ABCG4: variants seen among roughly 807,000 people sequenced by gnomAD.
ABCG4 encodes ATP-binding cassette sub-family G member 4.
A neutral mutation model predicts 64.6 loss-of-function variants in ABCG4; 35 were observed. The observed-to-expected ratio is 0.54, with a 90% confidence interval of 0.41 to 0.72. ABCG4 has a LOEUF of 0.72. Ranked by LOEUF, ABCG4 falls within the 30% of genes least tolerant of loss-of-function variation. ABCG4 has a pLI of 0.00. For synonymous variants in ABCG4, 326 were observed against 348.2 expected, an observed-to-expected ratio of 0.94 and a Z score of 0.71; for missense variants, 610 against 846.3, an observed-to-expected ratio of 0.72 and a Z score of 3.46.
In ABCG4 at chr11:119,154,294, G is replaced by A; in HGVS notation, c.391G>A (p.Gly131Arg). ...SGMKGQILVN[G>R]RPRELRTFRK... The stretch of plus-strand genomic sequence containing the variant: ...AATGAAGGGGCAGATCCTGGTTAAT[G>A]GAAGGCCACGGGAGCTGAGGACCTT... The change falls in exon 4 of 15, where the codon GGA becomes AGA. Residue 131 changes from glycine (G) to arginine (R), a missense_variant. By Grantham distance (125) the Gly-to-Arg change is moderately radical. Coordinates refer to ENST00000619701, the MANE Select transcript of ABCG4 (RefSeq NM_022169.5). The surrounding 1 kb of genome is among the most constrained non-coding windows in gnomAD (Gnocchi z 7.0). 6.2e-7 allele frequency: 1 copy of A among 1,614,168 alleles called. No homozygotes were observed. Among genetic ancestry groups the A allele is most frequent in the Non-Finnish European group, 8.5e-7 (1 of 1,180,018 alleles).
At position 119,149,979 on chromosome 11, in the gene ABCG4, C is replaced by T. The variant is rs556090631; in HGVS notation, c.14C>T (p.Ala5Val). The part of the protein sequence containing the change: MAEK[A>V]LEAVGCGLGP... ...GTCGGCGGCGTGATGGCGGAGAAGG[C>T]GCTGGAGGCCGTGGGCTGTGGACTA... is the stretch of plus-strand genomic sequence containing the variant. Residue 5 changes from alanine (A) to valine (V), a missense_variant, in exon 2 of 15, where the codon GCG becomes GTG. Transcript: ENST00000619701. This position sits in a 1 kb window ranked among gnomAD's most constrained non-coding sequence, Gnocchi z 8.3. 1.7e-5 allele frequency: 28 copies of T among 1,606,910 alleles called. No homozygotes were observed. The highest frequency in any genetic ancestry group is 2.1e-5 in the Non-Finnish European group (25 of 1,179,656).
chr11:119,157,037 G>C (rs1948275536), intron 9 of ABCG4, 23 bp downstream of exon 9: 1 of 1,578,452 alleles, frequency 6.3e-7, no homozygotes, highest in Admixed American at 1.8e-5. Context: ...GGAGAGGGCA[G>C]AGCAGGCATA....
In ABCG4 at chr11:119,158,983, A is replaced by T; in HGVS notation, c.1437+54A>T. On this transcript the variant is annotated intron_variant, in intron 12 of 14. Coordinates refer to ENST00000619701, the MANE Select transcript of ABCG4 (RefSeq NM_022169.5). The surrounding 1 kb of genome is among the most constrained non-coding windows in gnomAD (Gnocchi z 4.5). ...GCCTCCATCTTGTCTTGCTCCTTCTATCCTTGCTTTCTTGCCTCCCTCAAA... is the reference window on the plus strand; with the variant it reads ...GCCTCCATCTTGTCTTGCTCCTTCTTTCCTTGCTTTCTTGCCTCCCTCAAA... The T allele has an allele frequency of 6.4e-7, 1 of 1,556,072 alleles. No individual in the cohort carries two copies. Among genetic ancestry groups the T allele is most frequent in the Non-Finnish European group, 8.9e-7 (1 of 1,128,644 alleles).
chr11:119,152,264 T>C (rs1048768981), intron 2 of ABCG4, among the ~76,000 whole-genome samples: 3 of 152,198 alleles, frequency 2.0e-5, no homozygotes, highest in Admixed American at 6.5e-5. Flanking sequence ...TGGGCCCCAG[T>C]TGCCTCACCC....
In ABCG4 at chr11:119,158,538, G is replaced by A. The variant is rs1314927540; in HGVS notation, c.1168-19G>A. Reference sequence around the variant, plus strand: ...CTGGCCTGTAACACATCCCTCTCCTGGTGATGACCCCTCCCAAGGTCCTGA... The same window carrying A: ...CTGGCCTGTAACACATCCCTCTCCTAGTGATGACCCCTCCCAAGGTCCTGA... On this transcript the variant is annotated intron_variant, in intron 10 of 14. Transcript: ENST00000619701. This position sits in a 1 kb window ranked among gnomAD's most constrained non-coding sequence, Gnocchi z 4.5. The A allele has an allele frequency of 1.9e-6, 3 of 1,613,994 alleles. No individual in the cohort carries two copies. Among genetic ancestry groups the A allele is most frequent in the South Asian group, 1.1e-5 (1 of 91,068 alleles).
In ABCG4 at chr11:119,154,080, T is replaced by C. The variant is rs1592303982; in HGVS notation, c.293T>C (p.Ile98Thr). The change falls in exon 3 of 15, where the codon ATT becomes ACT. Residue 98 changes from isoleucine to threonine, a missense_variant. Transcript: ENST00000619701. This position sits in a 1 kb window ranked among gnomAD's most constrained non-coding sequence, Gnocchi z 7.0. ...LSGKFCRREL[I>T]GIMGPSGAGK... The stretch of plus-strand genomic sequence containing the variant: ...GGTAAATTCTGCCGCCGGGAGCTGA[T>C]TGGCATCATGGGCCCCTCAGGGGCT... The C allele has an allele frequency of 6.2e-7, 1 of 1,614,220 alleles. No individual in the cohort carries two copies. The highest frequency in any genetic ancestry group is 8.5e-7 in the Non-Finnish European group (1 of 1,180,038).
In ABCG4 at chr11:119,160,588, C is replaced by A; in HGVS notation, c.1647C>A (p.Ser549=). The A allele has an allele frequency of 6.2e-7, 1 of 1,613,098 alleles. No homozygotes were observed. Among genetic ancestry groups the A allele is most frequent in the Non-Finnish European group, 8.5e-7 (1 of 1,179,956 alleles). The part of the protein sequence containing the change: ...PVTAIPVLLF[S]GFFVSFKTIP... ...CCGCCATCCCTGTCCTCTTGTTCTC[C>A]GGCTTCTTTGTCAGCTTCAAGACCA... The change falls in exon 14 of 15, where the codon TCC becomes TCA. Residue 549 remains serine, a synonymous_variant. Coordinates refer to ENST00000619701, the MANE Select transcript of ABCG4 (RefSeq NM_022169.5). This position sits in a 1 kb window ranked among gnomAD's most constrained non-coding sequence, Gnocchi z 4.6.
intron 9 of ABCG4, among the ~76,000 whole-genome samples, chr11:119,157,734 C>T (rs1021760867): frequency 3.4e-5 from 5 of 148,752 alleles, no homozygotes; most frequent in South Asian, 2.2e-4. Context: ...GGCGTGGTGG[C>T]GGGCGCCTGT....
At position 119,154,706 on chromosome 11, in the gene ABCG4, TG is replaced by T; in HGVS notation, c.541-60del. On this transcript the variant is annotated intron_variant, in intron 5 of 14. Coordinates refer to ENST00000619701, the MANE Select transcript of ABCG4 (RefSeq NM_022169.5). The surrounding 1 kb of genome is among the most constrained non-coding windows in gnomAD (Gnocchi z 7.0). ...ACTTAAGGGAGATGCTTTTTGAAGCTGGGGTGGTGCCTGGGGGAAGCAGAGA... is the reference window on the plus strand; with the variant it reads ...ACTTAAGGGAGATGCTTTTTGAAGCTGGGTGGTGCCTGGGGGAAGCAGAGA... 6.3e-7 allele frequency: 1 copy of T among 1,586,074 alleles called. No individual in the cohort carries two copies. Among genetic ancestry groups the T allele is most frequent in the Non-Finnish European group, 8.6e-7 (1 of 1,163,006 alleles).
At chr11:119,159,387 TAA>T (rs61313647) in intron 12 of ABCG4, among the ~76,000 whole-genome samples, 76,134 of 151,848 alleles carry the variant, frequency 0.5, 20,401 homozygotes, top group East Asian at 0.71. Context: ...CTGGGGGCAA[TAA>T]CCCTACAAAT....
rs1312737791 is a variant in ABCG4 at position 119,158,683 on chromosome 11, C to G, written c.1294C>G (p.Leu432Val). 5 of 1,614,058 alleles carry G rather than the reference C, an allele frequency of 3.1e-6. No individual in the cohort carries two copies. Among genetic ancestry groups the G allele is most frequent in the Non-Finnish European group, 4.2e-6 (5 of 1,180,052 alleles). ...NNTGCLFFSM[L>V]FLMFAALMPT... is the part of the protein sequence containing the mutation. ...CACCGGCTGCCTCTTCTTCTCCATG[C>G]TGTTCCTCATGTTCGCCGCCCTCAT... The change falls in exon 11 of 15, where the codon CTG (leucine) becomes GTG (valine). Residue 432 changes from leucine (L) to valine (V), a missense_variant. Coordinates refer to ENST00000619701, the MANE Select transcript of ABCG4 (RefSeq NM_022169.5). This position sits in a 1 kb window ranked among gnomAD's most constrained non-coding sequence, Gnocchi z 4.5.
Position 119,150,148 on chromosome 11 carries a change from C to CG in ABCG4, c.184dup (p.Glu62GlyfsTer21). 1 of 1,614,158 alleles carries CG rather than the reference C, an allele frequency of 6.2e-7. No homozygotes were observed. The highest frequency in any genetic ancestry group is 8.5e-7 in the Non-Finnish European group (1 of 1,180,006). ...TACCCAAGCGCTCAGCCGTGGACAT[C>CG]GAGTTCGTGGAGCTGTCCTATTCCG... On this transcript the variant is annotated frameshift_variant, in exon 2 of 15. Coordinates refer to ENST00000619701, the MANE Select transcript of ABCG4 (RefSeq NM_022169.5). LOFTEE classifies it high-confidence loss of function. The surrounding 1 kb of genome is among the most constrained non-coding windows in gnomAD (Gnocchi z 4.3).
Position 119,160,102 on chromosome 11 carries a change from A to G in ABCG4, c.1438-125A>G, listed in dbSNP as rs4148173. On this transcript the variant is annotated intron_variant, in intron 12 of 14. Transcript: ENST00000619701. The surrounding 1 kb of genome is among the most constrained non-coding windows in gnomAD (Gnocchi z 4.6). ...AATCTGGGGGACAGCTTGAACAAGA[A>G]TGTGGAGGCAGGATGGACACCCTGG... 0.099 allele frequency: 101,856 copies of G among 1,026,548 alleles called. 7,990 individuals carry two copies. The highest frequency in any genetic ancestry group is 0.33 in the South Asian group (20,146 of 61,694). The allele number at this position is 1,026,548 out of a possible 1,614,324, so 63.6% of individuals were successfully genotyped here.
At position 119,154,136 on chromosome 11, in the gene ABCG4, G is replaced by A. The variant is rs1407919666; in HGVS notation, c.349G>A (p.Gly117Arg). Residue 117 changes from glycine to arginine, a missense_variant, in exon 3 of 15, where the codon GGA (glycine) becomes AGA (arginine). Gly to Arg is a moderately radical substitution (Grantham distance 125). Coordinates refer to ENST00000619701, the MANE Select transcript of ABCG4 (RefSeq NM_022169.5). The surrounding 1 kb of genome is among the most constrained non-coding windows in gnomAD (Gnocchi z 7.0). ...GTCTACATTCATGAACATCTTGGCAGGATACAGGTAAGGAAGAGACTGGGG... is the reference window on the plus strand; with the variant it reads ...GTCTACATTCATGAACATCTTGGCAAGATACAGGTAAGGAAGAGACTGGGG... ...GKSTFMNILA[G>R]YRESGMKGQI... 4 of 1,614,146 alleles carry A rather than the reference G, an allele frequency of 2.5e-6. No individual in the cohort carries two copies. In the East Asian group the frequency reaches 6.7e-5, roughly 27 times the overall value.
chr11:119,161,297 C>A lies in ABCG4; in HGVS notation c.*191C>A. The A allele has an allele frequency of 1.7e-6, 1 of 587,854 alleles. No individual in the cohort carries two copies. Among genetic ancestry groups the A allele is most frequent in the South Asian group, 2.0e-5 (1 of 48,936 alleles). The allele number at this position is 587,854 out of a possible 1,614,324, so 36.4% of individuals were successfully genotyped here. A position where few individuals can be genotyped will look rare whatever the true frequency, so the allele number is the denominator to read the frequency against. On this transcript the variant is annotated 3_prime_UTR_variant, in exon 15 of 15. Coordinates refer to ENST00000619701, the MANE Select transcript of ABCG4 (RefSeq NM_022169.5). ...GGCTCTGGGAGTGGGGGCTCCAGCC[C>A]TCCCCACTATGCCCAGGAGTCTTCC...
chr11:119,151,072 C>A (rs1432358907), intron 2 of ABCG4, among the ~76,000 whole-genome samples: 1 of 152,190 alleles, frequency 6.6e-6, no homozygotes, highest in Admixed American at 6.5e-5. Context: ...ACCCTCACTC[C>A]CATGAGTGAC....
At position 119,156,549 on chromosome 11, in the gene ABCG4, C is replaced by A; in HGVS notation, c.811-15C>A. ...GGCCCGCTGTTCCTTCCTTACCCTT[C>A]TCTTTCTGCTGCAGCTCTACATCCT... is the stretch of plus-strand genomic sequence containing the variant. On this transcript the variant is annotated splice_polypyrimidine_tract_variant and intron_variant, in intron 7 of 14. Transcript: ENST00000619701. This position sits in a 1 kb window ranked among gnomAD's most constrained non-coding sequence, Gnocchi z 5.5. The A allele has an allele frequency of 6.2e-7, 1 of 1,614,134 alleles. No individual in the cohort carries two copies.
At chr11:119,152,169 A>G (rs1322727300) in intron 2 of ABCG4, among the ~76,000 whole-genome samples, 2 of 152,138 alleles carry the variant, frequency 1.3e-5, no homozygotes, top group African/African-American at 4.8e-5. Flanking sequence ...GGCGAGGAGG[A>G]CTGAGGCAGA....
intron 9 of ABCG4, among the ~76,000 whole-genome samples, chr11:119,157,731 T>A (rs973416390): frequency 2.0e-5 from 3 of 146,464 alleles, no homozygotes; most frequent in African/African-American, 7.8e-5. Context: ...CCGGGCGTGG[T>A]GGCGGGCGCC....
Sources: allele counts gnomAD v4.1 joint callset (sites outside exome capture counted in the v4.1 genomes callset), GRCh38; gene constraint gnomAD v4.1.1; non-coding constraint Gnocchi (gnomAD v3.1); transcripts MANE v1.5; gene names NCBI Gene and HGNC (gene_info 2026-07-23, HGNC 2026-07-21).